The following NFATC2 variants were observed in gnomAD, a reference collection of about 807,000 sequenced individuals.
NFATC2 encodes nuclear factor of activated T cells 2.
NFATC2 carries 22 observed loss-of-function variants against 87.3 expected under a neutral mutation model. The ratio of observed to expected loss-of-function variants is 0.25; its 90% confidence interval spans 0.18 to 0.36. The LOEUF is 0.36. NFATC2 is among the 10% of genes least tolerant of loss of function. NFATC2 has a pLI of 1.00. For synonymous variants in NFATC2, 565 were observed against 542.2 expected, an observed-to-expected ratio of 1.04 and a Z score of -0.58; for missense variants, 1,149 against 1,259.1, an observed-to-expected ratio of 0.91 and a Z score of 1.32.
At chr20:51,529,934 A>G (rs1208912523) in intron 1 of NFATC2, among the ~76,000 whole-genome samples, 8 of 152,138 alleles carry the variant, frequency 5.3e-5, no homozygotes, top group Non-Finnish European at 8.8e-5. Context: ...GCCCCCGCCA[A>G]TGCTTCTGCG....
chr20:51,537,085 G>A (rs544263549), intron 1 of NFATC2, among the ~76,000 whole-genome samples: 64 of 152,212 alleles, frequency 4.2e-4, no homozygotes, highest in African/African-American at 1.5e-3. Flanking sequence ...TGAAAGAATG[G>A]GGTTTTAATT....
Position 51,391,297 on chromosome 20 carries a change from C to T in NFATC2, c.*199G>A. On this transcript the variant is annotated 3_prime_UTR_variant, in exon 11 of 11. Coordinates refer to ENST00000371564, the MANE Select transcript of NFATC2 (RefSeq NM_012340.5). ...CCATACATTGATCCGCGTGTGGACT[C>T]CGGGCTGGGAGATGAACATGAAAGG... 7.6e-7 allele frequency: 1 copy of T among 1,324,072 alleles called. No homozygotes were observed. Among genetic ancestry groups the T allele is most frequent in the South Asian group, 1.2e-5 (1 of 85,086 alleles). 82.0% of individuals were successfully genotyped at this position (1,324,072 alleles called of 1,614,324 possible). A position where few individuals can be genotyped will look rare whatever the true frequency, so the allele number is the denominator to read the frequency against.
intron 8 of NFATC2, 111 bp downstream of exon 8, chr20:51,435,077 G>T: frequency 7.5e-7 from 1 of 1,340,410 alleles, no homozygotes; most frequent in Non-Finnish European, 1.0e-6. Flanking sequence ...GGCTCAGAGA[G>T]GTTGAGTCAT....
At chr20:51,454,792 G>T in intron 5 of NFATC2, 104 bp from the exon 6 acceptor site, 1 of 1,263,402 alleles carries the variant, frequency 7.9e-7, no homozygotes, top group Non-Finnish European at 1.1e-6. Context: ...CTGCCCACCT[G>T]TGTCACCTGT....
At chr20:51,453,319 G>A (rs938010345) in intron 6 of NFATC2, among the ~76,000 whole-genome samples, 5 of 152,198 alleles carry the variant, frequency 3.3e-5, no homozygotes, top group Non-Finnish European at 7.3e-5. Context: ...AACTGGTGAT[G>A]TATCCAATTT....
At chr20:51,538,387 G>C (rs1293641502) in intron 1 of NFATC2, among the ~76,000 whole-genome samples, 2 of 151,866 alleles carry the variant, frequency 1.3e-5, no homozygotes, top group East Asian at 3.9e-4. Context: ...AAAAACTCTC[G>C]GGGGAAAAAA....
chr20:51,425,360 G>A (rs936986012), intron 9 of NFATC2, among the ~76,000 whole-genome samples: 3 of 152,228 alleles, frequency 2.0e-5, no homozygotes, highest in Non-Finnish European at 2.9e-5. Context: ...TGCTGCTGGC[G>A]GTTTCTGGTG....
chr20:51,490,772 T>TA (rs149119065), intron 3 of NFATC2, among the ~76,000 whole-genome samples: 7,713 of 151,592 alleles, frequency 0.051, 236 homozygotes, highest in Middle Eastern at 0.12. Flanking sequence ...TTGGGTAACA[T>TA]AAAAAAAAAT....
At chr20:51,466,019 C>G (rs1402638692) in intron 5 of NFATC2, among the ~76,000 whole-genome samples, 6 of 152,108 alleles carry the variant, frequency 3.9e-5, no homozygotes, top group South Asian at 2.1e-4. Context: ...ATTCACAAAG[C>G]GAAGCACAGT....
At chr20:51,476,506 C>CTAA (rs776666442) in intron 3 of NFATC2, among the ~76,000 whole-genome samples, 2 of 152,026 alleles carry the variant, frequency 1.3e-5, no homozygotes, top group Non-Finnish European at 2.9e-5. Context: ...GAATTGAATC[C>CTAA]TAATCCCAAT....
At chr20:51,558,556 G>T (rs1235550802) in intron 1 of NFATC2, among the ~76,000 whole-genome samples, 1 of 151,956 alleles carries the variant, frequency 6.6e-6, no homozygotes, top group Non-Finnish European at 1.5e-5. Flanking sequence ...TTTTGAATGG[G>T]TACCTTCCGG....
At chr20:51,556,934 G>A (rs1264851326) in intron 1 of NFATC2, among the ~76,000 whole-genome samples, 1 of 152,150 alleles carries the variant, frequency 6.6e-6, no homozygotes, top group Non-Finnish European at 1.5e-5. Flanking sequence ...AAGTCAAGCA[G>A]GAAGGGAAGA....
At chr20:51,464,920 T>C (rs1987525883) in intron 5 of NFATC2, among the ~76,000 whole-genome samples, 1 of 152,234 alleles carries the variant, frequency 6.6e-6, no homozygotes, top group South Asian at 2.1e-4. Flanking sequence ...CCTCTTCTCA[T>C]ACTGATTCAG....
intron 5 of NFATC2, among the ~76,000 whole-genome samples, chr20:51,471,896 GC>G (rs1162607975): frequency 2.0e-5 from 3 of 152,186 alleles, no homozygotes; most frequent in Non-Finnish European, 4.4e-5. Flanking sequence ...GATGGATGCA[GC>G]AAAGCACCAT....
At chr20:51,397,497 A>G (rs577035803) in intron 10 of NFATC2, among the ~76,000 whole-genome samples, 2 of 152,224 alleles carry the variant, frequency 1.3e-5, no homozygotes, top group Non-Finnish European at 2.9e-5. Flanking sequence ...CAAGCCCAAG[A>G]CACACATTAA....
intron 3 of NFATC2, among the ~76,000 whole-genome samples, chr20:51,489,001 C>T (rs896555190): frequency 6.6e-6 from 1 of 152,204 alleles, no homozygotes; most frequent in Admixed American, 6.5e-5. Flanking sequence ...CCAGACTGGC[C>T]AACATGGCGA....
chr20:51,557,024 A>G (rs561001495), intron 1 of NFATC2, among the ~76,000 whole-genome samples: 2 of 152,268 alleles, frequency 1.3e-5, no homozygotes, highest in South Asian at 4.1e-4. Context: ...ATCTTGGCTG[A>G]ATAGTCCTGC....
At chr20:51,537,429 C>G (rs1227799100) in intron 1 of NFATC2, among the ~76,000 whole-genome samples, 1 of 152,134 alleles carries the variant, frequency 6.6e-6, no homozygotes, top group African/African-American at 2.4e-5. Context: ...ATAAAACAAC[C>G]AGCAGTGATC....
chr20:51,472,697 G>A (rs1011481750), intron 5 of NFATC2, among the ~76,000 whole-genome samples: 1 of 139,956 alleles, frequency 7.1e-6, no homozygotes, highest in South Asian at 2.2e-4. Context: ...GGGCAGTGGT[G>A]CGATCTCAGC....
Sources: gnomAD v4.1 joint callset for allele counts (sites outside exome capture counted in the v4.1 genomes callset) on GRCh38, gnomAD v4.1.1 for gene constraint, MANE v1.5 for transcripts, NCBI Gene and HGNC (gene_info 2026-07-23, HGNC 2026-07-21) for gene names.